COQ10B: variants seen among roughly 807,000 people sequenced by gnomAD.
The protein encoded by COQ10B is coenzyme Q-binding protein COQ10 homolog B, mitochondrial.
In COQ10B, 12 loss-of-function variants were observed where a neutral mutation model predicts 27.6. The ratio of observed to expected loss-of-function variants is 0.43; its 90% CI spans 0.28 to 0.70. The LOEUF is 0.70. Ranked by LOEUF, COQ10B falls within the 30% of genes least tolerant of loss-of-function variation. The probability of loss-of-function intolerance (pLI) is 0.17; values close to 1 mark genes in which losing one functional copy is unlikely to be tolerated. For synonymous variants in COQ10B, 115 were observed against 103.0 expected, an observed-to-expected ratio of 1.12 and a Z score of -0.71; for missense variants, 278 against 288.7, an observed-to-expected ratio of 0.96 and a Z score of 0.27.
intron 1 of COQ10B, chr2:197,454,072 T>C (rs1247827867): frequency 6.4e-7 from 1 of 1,551,262 alleles, no homozygotes; most frequent in Non-Finnish European, 8.7e-7. Flanking sequence ...CTCCGGTTCC[T>C]TCTACCTGCC....
At chr2:197,461,856 G>C (rs922501523) in intron 2 of COQ10B, among the ~76,000 whole-genome samples, 10 of 151,976 alleles carry the variant, frequency 6.6e-5, no homozygotes, top group African/African-American at 2.4e-4. Flanking sequence ...GGCCAGGCTG[G>C]TCTCAAACTC....
At chr2:197,463,473 A>G (rs1381221559) in intron 3 of COQ10B, among the ~76,000 whole-genome samples, 4 of 151,546 alleles carry the variant, frequency 2.6e-5, no homozygotes, top group Non-Finnish European at 5.9e-5. Flanking sequence ...TCTGTCTCAA[A>G]ATTAAAAAAA....
At chr2:197,459,664 A>G (rs553991074) in intron 1 of COQ10B, among the ~76,000 whole-genome samples, 85 of 152,286 alleles carry the variant, frequency 5.6e-4, no homozygotes, top group African/African-American at 1.9e-3. Flanking sequence ...AAGTTGTAAC[A>G]TGTGACTACA....
Position 197,474,640 on chromosome 2 carries a change from C to G in COQ10B, c.*716C>G, listed in dbSNP as rs1020262975. ...GGCGGAGGTTGCAGTTAGCCAAGAT[C>G]GCCCTGCTGCACTCCAGCCTGGGCA... On this transcript the variant is annotated 3_prime_UTR_variant, in exon 5 of 5. Coordinates refer to ENST00000263960, the MANE Select transcript of COQ10B (RefSeq NM_025147.5). The G allele has an allele frequency of 6.6e-6, 1 of 152,278 alleles. No individual in the cohort carries two copies. Among genetic ancestry groups the G allele is most frequent in the Non-Finnish European group, 1.5e-5 (1 of 68,044 alleles). The allele number at this position is 152,278 out of a possible 1,614,324, so 9.4% of individuals were successfully genotyped here. A position where few individuals can be genotyped will look rare whatever the true frequency, so the allele number is the denominator to read the frequency against.
At chr2:197,457,250 G>A (rs1199343585) in intron 1 of COQ10B, among the ~76,000 whole-genome samples, 1 of 152,142 alleles carries the variant, frequency 6.6e-6, no homozygotes, top group Non-Finnish European at 1.5e-5. Context: ...CCTGGGCGTT[G>A]GGGATCCGTC....
Position 197,474,035 on chromosome 2 carries a change from T to TATAACCAAAGCTGC in COQ10B, c.*111_*112insATAACCAAAGCTGC. On this transcript the variant is annotated 3_prime_UTR_variant, in exon 5 of 5. Transcript: ENST00000263960. ...AGAAAGCATTTGTTAAACGCAGCTTTGGTTATAAACCTGCACCATTGAAAA... is the reference window on the plus strand; with the variant it reads ...AGAAAGCATTTGTTAAACGCAGCTTTATAACCAAAGCTGCGGTTATAAACCTGCACCATTGAAAA... The TATAACCAAAGCTGC allele has an allele frequency of 2.4e-6, 2 of 846,354 alleles. No homozygotes were observed. Among genetic ancestry groups the TATAACCAAAGCTGC allele is most frequent in the Non-Finnish European group, 3.4e-6 (2 of 593,558 alleles). The allele number at this position is 846,354 out of a possible 1,614,324, so 52.4% of individuals were successfully genotyped here.
intron 1 of COQ10B, among the ~76,000 whole-genome samples, chr2:197,456,201 T>C (rs913830490): frequency 4.8e-4 from 73 of 151,736 alleles, no homozygotes; most frequent in African/African-American, 1.6e-3. Context: ...CACGGTGGCT[T>C]ATGCCTGTAA....
Position 197,473,928 on chromosome 2 carries a change from CA to C in COQ10B, c.*10del, listed in dbSNP as rs1467846641. 1.4e-6 allele frequency: 2 copies of C among 1,471,618 alleles called. No individual in the cohort carries two copies. The highest frequency in any genetic ancestry group is 2.5e-5 in the East Asian group (1 of 40,456). The allele number at this position is 1,471,618 out of a possible 1,614,324, so 91.2% of individuals were successfully genotyped here. ...TCATGAAGTCCATCACACATAAAGG[CA>C]AAAAAGAACTGGTGCCACCTGCTTC... is the stretch of plus-strand genomic sequence containing the variant. On this transcript the variant is annotated 3_prime_UTR_variant, in exon 5 of 5. Coordinates refer to ENST00000263960, the MANE Select transcript of COQ10B (RefSeq NM_025147.5).
intron 1 of COQ10B, among the ~76,000 whole-genome samples, chr2:197,459,592 G>C (rs189816066): frequency 1.3e-5 from 2 of 152,194 alleles, no homozygotes; most frequent in African/African-American, 4.8e-5. Context: ...GGAAAACAAC[G>C]TGGGTAGACA....
At chr2:197,467,565 C>T (rs553916551) in intron 3 of COQ10B, among the ~76,000 whole-genome samples, 28 of 152,154 alleles carry the variant, frequency 1.8e-4, no homozygotes, top group African/African-American at 5.1e-4. Context: ...TTAGTAGAGA[C>T]GGGGTTTCTC....
chr2:197,470,040 C>T, intron 3 of COQ10B, 30 bp from the exon 4 acceptor site: 2 of 1,336,618 alleles, frequency 1.5e-6, no homozygotes, highest in Non-Finnish European at 2.1e-6. Context: ...AGGTATTTAA[C>T]TGTGGTTTTA....
intron 3 of COQ10B, among the ~76,000 whole-genome samples, chr2:197,469,478 G>A (rs991862939): frequency 2.0e-5 from 3 of 152,176 alleles, no homozygotes; most frequent in Non-Finnish European, 2.9e-5. Context: ...GTATACATGT[G>A]CATTGAAAAA....
intron 4 of COQ10B, among the ~76,000 whole-genome samples, chr2:197,472,800 C>CAA (rs34942079): frequency 0.32 from 31,068 of 95,604 alleles, 5,271 homozygotes; most frequent in South Asian, 0.46. Flanking sequence ...GGCTCCATCT[C>CAA]AAAAAAAAAA....
intron 3 of COQ10B, among the ~76,000 whole-genome samples, chr2:197,466,056 C>A (rs912741987): frequency 1.3e-5 from 2 of 152,180 alleles, no homozygotes; most frequent in Admixed American, 1.3e-4. Flanking sequence ...CGCGCCATTG[C>A]ACTCCAGCCT....
At chr2:197,460,210 CTTTTTTTT>C (rs781514263) in intron 2 of COQ10B, 129 bp downstream of exon 2, 11 of 374,616 alleles carry the variant, frequency 2.9e-5, no homozygotes, top group East Asian at 1.0e-4. Context: ...TGGCCTTTTT[CTTTTTTTT>C]TTTTTTTTCT....
chr2:197,465,189 C>A (rs1194496981), intron 3 of COQ10B, among the ~76,000 whole-genome samples: 4 of 151,570 alleles, frequency 2.6e-5, no homozygotes, highest in Admixed American at 2.0e-4. Flanking sequence ...CCATCCAGAA[C>A]TTAAATCTTA....
At chr2:197,460,201 G>A in intron 2 of COQ10B, 120 bp downstream of exon 2, 2 of 652,128 alleles carry the variant, frequency 3.1e-6, no homozygotes, top group Non-Finnish European at 4.7e-6. Context: ...TTTCTAGGTT[G>A]GCCTTTTTCT....
intron 3 of COQ10B, among the ~76,000 whole-genome samples, chr2:197,464,040 CATATATATATACGTAT>C (rs2085797071): frequency 9.5e-6 from 1 of 105,242 alleles, no homozygotes; most frequent in African/African-American, 3.3e-5. Context: ...CATACACACA[CATATATATATACGTAT>C]ATATATATAT....
chr2:197,469,807 T>C (rs1467173610), intron 3 of COQ10B, among the ~76,000 whole-genome samples: 1 of 151,604 alleles, frequency 6.6e-6, no homozygotes, highest in African/African-American at 2.4e-5. Flanking sequence ...GAAGGAAAGC[T>C]AAGTAGCAAA....
Sources: gnomAD v4.1 joint callset for allele counts (sites outside exome capture counted in the v4.1 genomes callset) on GRCh38, gnomAD v4.1.1 for gene constraint, MANE v1.5 for transcripts, NCBI Gene and HGNC (gene_info 2026-07-23, HGNC 2026-07-21) for gene names.